Variants in SCD5 observed in about 807,000 individuals in gnomAD.
SCD5 encodes the protein acyl-CoA-desaturase 4.
A neutral mutation model predicts 30.4 loss-of-function variants in SCD5; 20 were observed. That is an observed-to-expected ratio of 0.66 (90% confidence interval 0.46 to 0.96). SCD5 has a LOEUF of 0.96. Among genes scored for constraint, SCD5 ranks in the 40% least tolerant of loss-of-function variants. The pLI is 0.00. For missense variants in SCD5, 381 were observed against 443.3 expected (o/e 0.86, Z 1.26); for synonymous variants, 173 against 176.4 (o/e 0.98, Z 0.16).
intron 3 of SCD5, among the ~76,000 whole-genome samples, chr4:82,658,863 A>G (rs1727925316): frequency 6.6e-6 from 1 of 151,776 alleles, no homozygotes; most frequent in African/African-American, 2.4e-5. Context: ...TGAGTTAGGG[A>G]GGAGTCCCTC....
chr4:82,673,428 T>A (rs1728370226), intron 3 of SCD5, among the ~76,000 whole-genome samples: 1 of 152,126 alleles, frequency 6.6e-6, no homozygotes, highest in East Asian at 1.9e-4. Flanking sequence ...ACCATAAAAA[T>A]GAAAGAAGTA....
At chr4:82,753,261 T>C in intron 1 of SCD5, 1 of 470,080 alleles carries the variant, frequency 2.1e-6, no homozygotes, top group Admixed American at 2.3e-5. Flanking sequence ...TGAGACCAAA[T>C]TAATCCACAT....
At chr4:82,770,697 T>C (rs1721600948) in intron 1 of SCD5, among the ~76,000 whole-genome samples, 1 of 152,228 alleles carries the variant, frequency 6.6e-6, no homozygotes. Context: ...GCTCTTACCG[T>C]TCCTATCTGT....
chr4:82,766,467 T>C (rs959547866), intron 1 of SCD5, among the ~76,000 whole-genome samples: 2 of 152,246 alleles, frequency 1.3e-5, no homozygotes, highest in African/African-American at 4.8e-5. Flanking sequence ...GTCTCTACTT[T>C]TCATGCTCAA....
At chr4:82,712,666 A>T (rs1053868073) in intron 1 of SCD5, among the ~76,000 whole-genome samples, 2 of 152,110 alleles carry the variant, frequency 1.3e-5, no homozygotes, top group Non-Finnish European at 2.9e-5. Context: ...CTGCTGGCCC[A>T]GAGTCCCTGA....
intron 3 of SCD5, among the ~76,000 whole-genome samples, chr4:82,655,908 G>T (rs1340406162): frequency 6.6e-6 from 1 of 152,090 alleles, no homozygotes; most frequent in Non-Finnish European, 1.5e-5. Context: ...TAAGCCAAGG[G>T]TGGCTCCTTG....
intron 1 of SCD5, among the ~76,000 whole-genome samples, chr4:82,718,704 G>A (rs1210543288): frequency 6.6e-6 from 1 of 151,816 alleles, no homozygotes; most frequent in Non-Finnish European, 1.5e-5. Flanking sequence ...GTTAGGGACT[G>A]CATCATTAAG....
chr4:82,780,064 T>C (rs939155300), intron 1 of SCD5, among the ~76,000 whole-genome samples: 2 of 152,248 alleles, frequency 1.3e-5, no homozygotes, highest in African/African-American at 4.8e-5. Flanking sequence ...AAAAGAGTTA[T>C]AATACAGGAA....
chr4:82,685,389 C>T (rs1429029627), intron 2 of SCD5, among the ~76,000 whole-genome samples: 1 of 152,036 alleles, frequency 6.6e-6, no homozygotes, highest in African/African-American at 2.4e-5. Context: ...CTTGATTGAA[C>T]TTGGGCTACA....
intron 1 of SCD5, chr4:82,753,210 A>G: frequency 2.4e-6 from 1 of 412,314 alleles, no homozygotes. Context: ...ACTTCATGTG[A>G]GAGTTACCTG....
chr4:82,636,839 C>T lies in SCD5; in HGVS notation c.570-16G>A. The stretch of plus-strand genomic sequence containing the variant: ...CTTATAGTACCTACAGGGCAAGACA[C>T]CATATCACCATGAGGACCCGCTGAT... On this transcript the variant is annotated splice_polypyrimidine_tract_variant and intron_variant, in intron 3 of 4. Coordinates refer to ENST00000319540, the MANE Select transcript of SCD5 (RefSeq NM_001037582.3). 6.3e-7 allele frequency: 1 copy of T among 1,587,820 alleles called. No individual in the cohort carries two copies. Among genetic ancestry groups the T allele is most frequent in the Non-Finnish European group, 8.6e-7 (1 of 1,165,206 alleles).
At chr4:82,680,001 C>G (rs762719826) in intron 3 of SCD5, among the ~76,000 whole-genome samples, 2 of 152,178 alleles carry the variant, frequency 1.3e-5, no homozygotes, top group Non-Finnish European at 2.9e-5. Flanking sequence ...GCTTTAGGTG[C>G]TACAAGCTCA....
chr4:82,752,273 TTATATA>T, intron 1 of SCD5, among the ~76,000 whole-genome samples: 1 of 145,654 alleles, frequency 6.9e-6, no homozygotes, highest in African/African-American at 2.5e-5. Flanking sequence ...TTTTAAAAAA[TTATATA>T]TATATATATA....
At chr4:82,670,915 TA>T (rs1728306767) in intron 3 of SCD5, among the ~76,000 whole-genome samples, 1 of 152,150 alleles carries the variant, frequency 6.6e-6, no homozygotes, top group African/African-American at 2.4e-5. Context: ...ATCAATGGTC[TA>T]AATGCATCCA....
At chr4:82,782,793 C>T (rs1274664745) in intron 1 of SCD5, among the ~76,000 whole-genome samples, 2 of 152,244 alleles carry the variant, frequency 1.3e-5, no homozygotes, top group South Asian at 2.1e-4. Context: ...TTTACACCAA[C>T]GTGTGGATTC....
intron 3 of SCD5, among the ~76,000 whole-genome samples, chr4:82,657,026 A>T (rs1727880375): frequency 6.6e-6 from 1 of 151,882 alleles, no homozygotes; most frequent in South Asian, 2.1e-4. Flanking sequence ...GATTGCAAAA[A>T]TTTTCTCCCA....
intron 1 of SCD5, among the ~76,000 whole-genome samples, chr4:82,707,551 G>T (rs1719994989): frequency 6.6e-6 from 1 of 152,194 alleles, no homozygotes; most frequent in African/African-American, 2.4e-5. Context: ...GGGAATATCA[G>T]TTCCATGATT....
At chr4:82,768,096 T>C (rs1721531636) in intron 1 of SCD5, among the ~76,000 whole-genome samples, 1 of 152,230 alleles carries the variant, frequency 6.6e-6, no homozygotes, top group South Asian at 2.1e-4. Context: ...AAATAATAAC[T>C]AGCAAATATT....
intron 1 of SCD5, among the ~76,000 whole-genome samples, chr4:82,715,105 C>T (rs1720197800): frequency 6.6e-6 from 1 of 151,502 alleles, no homozygotes; most frequent in Non-Finnish European, 1.5e-5. Flanking sequence ...GGTGTGGTGG[C>T]ACACGCCTGT....
Sources: allele counts gnomAD v4.1 joint callset (sites outside exome capture counted in the v4.1 genomes callset), GRCh38; gene constraint gnomAD v4.1.1; transcripts MANE v1.5; gene names NCBI Gene and HGNC (gene_info 2026-07-23, HGNC 2026-07-21).